Variants in RAET1G observed in about 807,000 individuals in gnomAD.
RAET1G encodes UL-16 binding protein 5.
A neutral mutation model predicts 29.5 loss-of-function variants in RAET1G; 25 were observed. That is an observed-to-expected ratio of 0.85 (90% CI 0.62 to 1.18). The LOEUF is 1.18. RAET1G is among the 50% of genes most tolerant of loss of function. The probability of loss-of-function intolerance (pLI) is 0.00; values close to 1 mark genes in which losing one functional copy is unlikely to be tolerated. For synonymous variants in RAET1G, 167 were observed against 159.5 expected (o/e 1.05, Z -0.36); for missense variants, 434 against 423.6 (o/e 1.02, Z -0.22).
chr6:149,919,927 A>G, intron 1 of RAET1G, 111 bp from the exon 2 acceptor site: 1 of 1,600,638 alleles, frequency 6.2e-7, no homozygotes, highest in Non-Finnish European at 8.5e-7. Context: ...CTGGCCCAGC[A>G]AGGAGTGCCT....
At position 149,918,239 on chromosome 6, in the gene RAET1G, C is replaced by A. The variant is rs1164851258; in HGVS notation, c.777G>T (p.Gln259His). The A allele has an allele frequency of 1.9e-6, 3 of 1,614,154 alleles. No individual in the cohort carries two copies. Among genetic ancestry groups the A allele is most frequent in the Middle Eastern group, 1.6e-4 (1 of 6,062 alleles). Residue 259 changes from glutamine (Q) to histidine (H), a missense_variant, in exon 4 of 5, where the codon CAG becomes CAT. Transcript: ENST00000367360. ...GAAGCAGGGGAGGATGAGGAGGAGG[C>A]TGCAGGGACTGAGGGTGGTGGCCAT... The part of the protein sequence containing the change: ...QSHGHHPQSL[Q>H]PPPHPPLLHP...
rs1033947083 is a variant in RAET1G, at chr6:149,923,076, A to T, written c.-66T>A. 2.4e-5 allele frequency: 29 copies of T among 1,210,046 alleles called. No individual in the cohort carries two copies. The highest frequency in any genetic ancestry group is 3.1e-5 in the Non-Finnish European group (26 of 852,110). The allele number at this position is 1,210,046 out of a possible 1,614,324, so 75.0% of individuals were successfully genotyped here. On this transcript the variant is annotated 5_prime_UTR_variant, in exon 1 of 5. Coordinates refer to ENST00000367360, the MANE Select transcript of RAET1G (RefSeq NM_001001788.4). ...GCCCGTGGATCACCTGGCGGCTCGC[A>T]GGCTGTCTGAATGCAGCCCGTCTGA... is the stretch of plus-strand genomic sequence containing the variant.
At position 149,923,095 on chromosome 6, in the gene RAET1G, C is replaced by G. The variant is rs993297103; in HGVS notation, c.-85G>C. On this transcript the variant is annotated 5_prime_UTR_variant, in exon 1 of 5. Transcript: ENST00000367360. ...GCTCGCAGGCTGTCTGAATGCAGCC[C>G]GTCTGAATGCAGCCCTAAACTCCAG... 3.7e-5 allele frequency: 24 copies of G among 649,366 alleles called. No homozygotes were observed. Among genetic ancestry groups the G allele is most frequent in the African/African-American group, 4.4e-5 (1 of 22,554 alleles). 40.2% of individuals were successfully genotyped at this position (649,366 alleles called of 1,614,324 possible).
chr6:149,921,602 C>T (rs1246537059), intron 1 of RAET1G, among the ~76,000 whole-genome samples: 3 of 152,186 alleles, frequency 2.0e-5, no homozygotes, highest in East Asian at 1.9e-4. Context: ...CAGGACACCA[C>T]GTGGCTGCAC....
intron 1 of RAET1G, among the ~76,000 whole-genome samples, chr6:149,921,843 C>A (rs1778606457): frequency 6.6e-6 from 1 of 152,136 alleles, no homozygotes; most frequent in Admixed American, 6.5e-5. Context: ...GGATGGGGTA[C>A]TATTTGCTGG....
At position 149,917,064 on chromosome 6, in the gene RAET1G, C is replaced by T. The variant is rs368978908; in HGVS notation, c.853G>A (p.Ala285Thr). Residue 285 changes from alanine (A) to threonine (T), a missense_variant, in exon 5 of 5, where the codon GCG (alanine) becomes ACG (threonine). Physicochemically the swap from Ala to Thr is moderately conservative, Grantham distance 58. Coordinates refer to ENST00000367360, the MANE Select transcript of RAET1G (RefSeq NM_001001788.4). Reference protein sequence around the residue: ...RVLWSDSYQIAKRPLSGGHVT... With the variant: ...RVLWSDSYQITKRPLSGGHVT... ...TGTCCACCAGACAAGGGGCGCTTCG[C>T]TATTTGGTAGCTGAGGCGGAGAGAG... is the stretch of plus-strand genomic sequence containing the variant. 1.6e-5 allele frequency: 24 copies of T among 1,546,816 alleles called. No individual in the cohort carries two copies. In the African/African-American group the frequency reaches 2.7e-4, roughly 18 times the overall value.
chr6:149,919,393 A>T (rs1341728093), intron 2 of RAET1G, 69 bp from the exon 3 acceptor site: 1 of 1,595,398 alleles, frequency 6.3e-7, no homozygotes, highest in Non-Finnish European at 8.5e-7. Context: ...TTCCACTTGC[A>T]ATTTCCTGGT....
chr6:149,917,249 G>A (rs1247657371), intron 4 of RAET1G, among the ~76,000 whole-genome samples, 175 bp from the exon 5 acceptor site: 1 of 152,248 alleles, frequency 6.6e-6, no homozygotes, highest in South Asian at 2.1e-4. Context: ...ACAGGGAGAC[G>A]TTTAGGCCTC....
rs1271176037 is a variant in RAET1G at position 149,916,982 on chromosome 6, G to A, written c.935C>T (p.Pro312Leu). The change falls in exon 5 of 5, where the codon CCT becomes CTT. Residue 312 changes from proline to leucine, a missense_variant. By Grantham distance (98) the Pro-to-Leu change is moderately conservative (BLOSUM62 -3). Transcript: ENST00000367360. ...GTTATTTATTGTATACAAGGCAAGAGGGCAGGGTAAGGAGTGTGAGTCGTC... is the reference window on the plus strand; with the variant it reads ...GTTATTTATTGTATACAAGGCAAGAAGGCAGGGTAAGGAGTGTGAGTCGTC... ...IGDDSHSLPC[P>L]LALYTINNGA... The A allele has an allele frequency of 6.4e-7, 1 of 1,550,638 alleles. No homozygotes were observed. The highest frequency in any genetic ancestry group is 1.4e-5 in the African/African-American group (1 of 73,156).
At chr6:149,918,456 G>A in intron 3 of RAET1G, 72 bp from the exon 4 acceptor site, 1 of 1,503,830 alleles carries the variant, frequency 6.6e-7, no homozygotes, top group Non-Finnish European at 9.2e-7. Flanking sequence ...CTCAGCTCCT[G>A]CTGACCCAGG....
rs1432471126 is a variant in RAET1G at position 149,919,074 on chromosome 6, G to A, written c.600C>T (p.Gly200=). 6.2e-7 allele frequency: 1 copy of A among 1,614,012 alleles called. No individual in the cohort carries two copies. The highest frequency in any genetic ancestry group is 8.5e-7 in the Non-Finnish European group (1 of 1,180,038). ...CACTTGGCTCCAGGGTGCTGTCCAT[G>A]CCCATCAAGAAGTCCTCAAGCCATC... ...CTGWLEDFLM[G]MDSTLEPSAG... is the part of the protein sequence containing the mutation. The change falls in exon 3 of 5, where the codon GGC becomes GGT. Residue 200 remains glycine, a synonymous_variant. Coordinates refer to ENST00000367360, the MANE Select transcript of RAET1G (RefSeq NM_001001788.4).
intron 1 of RAET1G, among the ~76,000 whole-genome samples, chr6:149,920,551 A>G (rs1247379466): frequency 6.6e-6 from 1 of 152,146 alleles, no homozygotes; most frequent in Non-Finnish European, 1.5e-5. Context: ...CCCCATGAGA[A>G]GGCACCAGAA....
rs1262983037 is a variant in RAET1G at position 149,919,224 on chromosome 6, G to C, written c.450C>G (p.Leu150=). Residue 150 remains leucine, a synonymous_variant, in exon 3 of 5, where the codon CTC becomes CTG. Coordinates refer to ENST00000367360, the MANE Select transcript of RAET1G (RefSeq NM_001001788.4). ...TCCACATTCTGTTTTCTGAGTCAAA[G>C]AGGAGGAAGATCTGTCCATCGAAAC... ...QLSFDGQIFL[L]FDSENRMWTT... is the part of the protein sequence containing the mutation. The C allele has an allele frequency of 6.2e-7, 1 of 1,614,092 alleles. No homozygotes were observed. Among genetic ancestry groups the C allele is most frequent in the Non-Finnish European group, 8.5e-7 (1 of 1,180,028 alleles).
At chr6:149,918,566 G>T (rs899607780) in intron 3 of RAET1G, 182 bp from the exon 4 acceptor site, 1 of 702,258 alleles carries the variant, frequency 1.4e-6, no homozygotes, top group Non-Finnish European at 2.4e-6. Flanking sequence ...TGGCCTCAGG[G>T]AGCTCACAGA....
Position 149,919,094 on chromosome 6 carries a change from G to A in RAET1G, c.580C>T (p.Leu194Phe), listed in dbSNP as rs2114649247. The A allele has an allele frequency of 3.1e-6, 5 of 1,614,134 alleles. No individual in the cohort carries two copies. Among genetic ancestry groups the A allele is most frequent in the Non-Finnish European group, 4.2e-6 (5 of 1,180,042 alleles). The stretch of plus-strand genomic sequence containing the variant: ...TCCATGCCCATCAAGAAGTCCTCAA[G>A]CCATCCTGTGCAGTCTCCCATTGAG... ...YISMGDCTGWLEDFLMGMDST... is the reference protein window; with the variant it reads ...YISMGDCTGWFEDFLMGMDST... Residue 194 changes from leucine to phenylalanine, a missense_variant, in exon 3 of 5, where the codon CTT (leucine) becomes TTT (phenylalanine). Physicochemically the swap from Leu to Phe is conservative, Grantham distance 22. Coordinates refer to ENST00000367360, the MANE Select transcript of RAET1G (RefSeq NM_001001788.4).
chr6:149,919,407 A>T, intron 2 of RAET1G, 83 bp from the exon 3 acceptor site: 2 of 1,598,352 alleles, frequency 1.3e-6, no homozygotes, highest in Admixed American at 3.4e-5. Flanking sequence ...TCCTGGTCTT[A>T]CTTGCTCTGC....
In RAET1G at chr6:149,922,956, G is replaced by T. The variant is rs757148243; in HGVS notation, c.55C>A (p.Leu19Met). 15 of 1,604,456 alleles carry T rather than the reference G, an allele frequency of 9.3e-6. No homozygotes were observed. Among genetic ancestry groups the T allele is most frequent in the Non-Finnish European group, 1.2e-5 (14 of 1,176,378 alleles). Residue 19 changes from leucine to methionine, a missense_variant, in exon 1 of 5, where the codon CTG (leucine) becomes ATG (methionine). Coordinates refer to ENST00000367360, the MANE Select transcript of RAET1G (RefSeq NM_001001788.4). ...FLLRLPLLLL[L>M]SSWCRTGLAD... ...AGCCCGGTCCTGCACCAGCTGGACAGCAGGAGCAGAAGCGGGAGGCGTAGA... is the reference window on the plus strand; with the variant it reads ...AGCCCGGTCCTGCACCAGCTGGACATCAGGAGCAGAAGCGGGAGGCGTAGA...
chr6:149,920,065 T>C (rs1036358526), intron 1 of RAET1G, among the ~76,000 whole-genome samples: 2 of 152,120 alleles, frequency 1.3e-5, no homozygotes, highest in African/African-American at 4.8e-5. Flanking sequence ...TGCCCCTCTG[T>C]CCACATCGGT....
At position 149,922,912 on chromosome 6, in the gene RAET1G, A is replaced by G; in HGVS notation, c.85+14T>C. ...TTGGCCTCCGCCCCGCTTAGGCTCC[A>G]TCCCCGAACTCACCGGCCAGCCCGG... On this transcript the variant is annotated intron_variant, in intron 1 of 4. Transcript: ENST00000367360. 6.3e-7 allele frequency: 1 copy of G among 1,576,858 alleles called. No homozygotes were observed. The highest frequency in any genetic ancestry group is 8.6e-7 in the Non-Finnish European group (1 of 1,160,494).
Sources: gnomAD v4.1 joint callset for allele counts (sites outside exome capture counted in the v4.1 genomes callset) on GRCh38, gnomAD v4.1.1 for gene constraint, MANE v1.5 for transcripts, NCBI Gene and HGNC (gene_info 2026-07-23, HGNC 2026-07-21) for gene names.